Variants in ATXN7 observed in about 807,000 individuals in gnomAD.
ATXN7 encodes the protein ataxin-7.
In ATXN7, 12 loss-of-function variants were observed where a neutral mutation model predicts 70.5. The observed-to-expected ratio is 0.17, with a 90% confidence interval of 0.11 to 0.28. The LOEUF is 0.28. Among genes scored for constraint, ATXN7 ranks in the 10% least tolerant of loss-of-function variants. The pLI is 1.00. For synonymous variants in ATXN7, 498 were observed against 448.7 expected (o/e 1.11, Z -1.39); for missense variants, 1,256 against 1,131.7 (o/e 1.11, Z -1.58).
chr3:63,971,124 A>G (rs1406039455), intron 5 of ATXN7, among the ~76,000 whole-genome samples: 1 of 152,222 alleles, frequency 6.6e-6, no homozygotes, highest in Non-Finnish European at 1.5e-5. Context: ...CATCCTTTTC[A>G]GTTAAATCTC....
At chr3:63,998,838 C>A in intron 12 of ATXN7, 1 of 335,808 alleles carries the variant, frequency 3.0e-6, no homozygotes, top group Non-Finnish European at 4.2e-6. Context: ...TGTGGAGCTG[C>A]CATTAAAACA....
At chr3:63,925,379 A>G (rs999251587) in intron 4 of ATXN7, among the ~76,000 whole-genome samples, 1 of 152,146 alleles carries the variant, frequency 6.6e-6, no homozygotes, top group African/African-American at 2.4e-5. Context: ...GCAGGAGGTA[A>G]GTGGGGGTGG....
chr3:63,881,253 T>TGAG (rs1187079817), intron 1 of ATXN7, among the ~76,000 whole-genome samples: 1 of 72,350 alleles, frequency 1.4e-5, no homozygotes, highest in East Asian at 3.4e-4. Context: ...TTTTTGTGAT[T>TGAG]GAGTAGTACC....
intron 1 of ATXN7, among the ~76,000 whole-genome samples, chr3:63,888,770 G>C (rs890230930): frequency 6.6e-6 from 1 of 151,944 alleles, no homozygotes; most frequent in Non-Finnish European, 1.5e-5. Context: ...GCGAGACTCC[G>C]TATCAAAAAT....
At chr3:63,949,130 G>A (rs949190521) in intron 4 of ATXN7, among the ~76,000 whole-genome samples, 5 of 151,910 alleles carry the variant, frequency 3.3e-5, no homozygotes, top group African/African-American at 1.2e-4. Context: ...AAAATATTTA[G>A]GAACATACAT....
chr3:63,877,955 A>C (rs1702793893), intron 1 of ATXN7, among the ~76,000 whole-genome samples: 1 of 152,206 alleles, frequency 6.6e-6, no homozygotes, highest in Admixed American at 6.5e-5. Context: ...AAAAGTGCTA[A>C]TCTGGTCAGA....
chr3:64,001,872 A>G lies in ATXN7; in HGVS notation c.*2405A>G, dbSNP rs140925736. 4 of 152,328 alleles carry G rather than the reference A, an allele frequency of 2.6e-5. No individual in the cohort carries two copies. The East Asian group carries it at 7.7e-4, about 29-fold the overall frequency. 9.4% of individuals were successfully genotyped at this position (152,328 alleles called of 1,614,324 possible). On this transcript the variant is annotated 3_prime_UTR_variant, in exon 13 of 13. Transcript: ENST00000674280. ...TACAAGTATTTTTTTGAATTAAATT[A>G]ACTTGCAAAAACCAAATTTGCAGTG...
At chr3:63,929,991 G>A (rs566206539) in intron 4 of ATXN7, among the ~76,000 whole-genome samples, 4 of 152,212 alleles carry the variant, frequency 2.6e-5, no homozygotes, top group South Asian at 2.1e-4. Context: ...GAGGCTCCCC[G>A]ATCCATCCAC....
chr3:63,922,334 G>A (rs1704544756), intron 4 of ATXN7, among the ~76,000 whole-genome samples: 1 of 152,190 alleles, frequency 6.6e-6, no homozygotes, highest in Non-Finnish European at 1.5e-5. Context: ...GAGCAATCAT[G>A]CCCAAACCTC....
chr3:63,985,515 C>T (rs2075562210), intron 8 of ATXN7, among the ~76,000 whole-genome samples: 1 of 152,150 alleles, frequency 6.6e-6, no homozygotes, highest in Admixed American at 6.5e-5. Context: ...TGGTCTGAAT[C>T]TATTAAGCTT....
intron 2 of ATXN7, chr3:63,901,484 A>T (rs1369894512): frequency 2.0e-5 from 3 of 152,156 alleles, no homozygotes; most frequent in African/African-American, 7.2e-5. Context: ...AAGATTCCAC[A>T]TATAAGTGAG....
intron 4 of ATXN7, among the ~76,000 whole-genome samples, chr3:63,932,437 G>A (rs1377645927): frequency 6.6e-6 from 1 of 152,174 alleles, no homozygotes; most frequent in Non-Finnish European, 1.5e-5. Flanking sequence ...GAAGTTATTT[G>A]TAAATTAAGG....
chr3:63,863,757 C>A (rs748275950), upstream of ATXN7: 78 of 1,249,200 alleles, frequency 6.2e-5, no homozygotes, highest in Admixed American at 5.9e-4. Flanking sequence ...CGTGTGGCGG[C>A]GAGCGGGGCC....
chr3:63,960,510 G>C (rs2075110487), intron 5 of ATXN7, among the ~76,000 whole-genome samples: 2 of 152,188 alleles, frequency 1.3e-5, no homozygotes, highest in Non-Finnish European at 2.9e-5. Context: ...GTGAGAGCTG[G>C]ATCAGGAGAG....
rs183178341 is a variant in ATXN7 at position 63,887,843 on chromosome 3, G to A, written c.-110-10556G>A. ...CTGCCTCAGCTTCCCGAAGTGCTGG[G>A]ATTACAGATGTGTATCGCTGTCCTC... is the stretch of plus-strand genomic sequence containing the variant. On this transcript the variant is annotated intron_variant, in intron 1 of 12. Transcript: ENST00000674280. Among the ~76,000 whole-genome samples the A allele has an allele frequency of 7.3e-5, 11 of 150,426 alleles. No individual in the cohort carries two copies. The South Asian group carries it at 1.3e-3, about 17-fold the overall frequency.
At chr3:63,962,908 C>CTATTTTTT (rs1553691654) in intron 5 of ATXN7, among the ~76,000 whole-genome samples, 2 of 136,342 alleles carry the variant, frequency 1.5e-5, no homozygotes. Context: ...TTTTGTATTT[C>CTATTTTTT]TTTTTTTTTT....
intron 1 of ATXN7, among the ~76,000 whole-genome samples, chr3:63,874,054 C>G (rs996775130): frequency 5.3e-5 from 8 of 152,152 alleles, no homozygotes; most frequent in Admixed American, 4.6e-4. Context: ...TCTACACTGT[C>G]TATTTCCATT....
At chr3:63,925,268 A>T (rs1704670465) in intron 4 of ATXN7, among the ~76,000 whole-genome samples, 1 of 152,124 alleles carries the variant, frequency 6.6e-6, no homozygotes, top group Non-Finnish European at 1.5e-5. Context: ...GGATACAGCC[A>T]AGTAACAACA....
intron 4 of ATXN7, among the ~76,000 whole-genome samples, chr3:63,945,552 C>G (rs2074845723): frequency 6.6e-6 from 1 of 152,214 alleles, no homozygotes; most frequent in Non-Finnish European, 1.5e-5. Flanking sequence ...TTATAACCTT[C>G]TGACTTACGG....
Sources: allele counts gnomAD v4.1 joint callset (sites outside exome capture counted in the v4.1 genomes callset), GRCh38; gene constraint gnomAD v4.1.1; transcripts MANE v1.5; gene names NCBI Gene and HGNC (gene_info 2026-07-23, HGNC 2026-07-21).